The following RBFOX1 variants were observed in gnomAD, a reference collection of about 807,000 sequenced individuals.
RBFOX1 encodes RNA binding fox-1 homolog 1.
Under a neutral mutation model 57.7 loss-of-function variants are expected in RBFOX1, and 8 were observed. The observed-to-expected ratio is 0.14, with a 90% CI of 0.08 to 0.25. RBFOX1 has a LOEUF of 0.25. RBFOX1 is among the 10% of genes least tolerant of loss of function. The pLI is 1.00. For synonymous variants in RBFOX1, 326 were observed against 222.4 expected (o/e 1.47, Z -4.15); for missense variants, 611 against 548.5 (o/e 1.11, Z -1.14).
chr16:5,902,555 G>A (rs1023761496), intron 4 of RBFOX1, among the ~76,000 whole-genome samples: 13 of 152,130 alleles, frequency 8.5e-5, no homozygotes, highest in South Asian at 6.2e-4. Flanking sequence ...AGCTGGGATT[G>A]CAGGTGCCTG....
chr16:7,101,385 A>G (rs1219622977), intron 4 of RBFOX1, among the ~76,000 whole-genome samples: 2 of 152,236 alleles, frequency 1.3e-5, no homozygotes, highest in Non-Finnish European at 2.9e-5. Flanking sequence ...CAGTAATTGC[A>G]AGGAAACTCT....
chr16:6,904,731 G>A (rs1301686639), intron 3 of RBFOX1, among the ~76,000 whole-genome samples: 2 of 152,058 alleles, frequency 1.3e-5, no homozygotes, highest in South Asian at 2.1e-4. Flanking sequence ...CTACTCACAG[G>A]GACCCTCGCC....
intron 14 of RBFOX1, among the ~76,000 whole-genome samples, chr16:7,680,465 C>G (rs574575267): frequency 8.5e-5 from 13 of 152,206 alleles, no homozygotes; most frequent in Non-Finnish European, 1.9e-4. Context: ...CACGTCAGGG[C>G]TGAAAGTAGC....
At chr16:5,736,345 C>T (rs1031754392) in intron 3 of RBFOX1, among the ~76,000 whole-genome samples, 1 of 152,210 alleles carries the variant, frequency 6.6e-6, no homozygotes, top group Non-Finnish European at 1.5e-5. Flanking sequence ...TATAGCGACC[C>T]CTCCTCCCAT....
intron 3 of RBFOX1, among the ~76,000 whole-genome samples, chr16:6,914,971 A>G (rs2072745497): frequency 6.6e-6 from 1 of 152,212 alleles, no homozygotes; most frequent in South Asian, 2.1e-4. Flanking sequence ...CCTGCGTACT[A>G]TTATTATTAC....
intron 14 of RBFOX1, among the ~76,000 whole-genome samples, chr16:7,684,459 G>C (rs1238292353): frequency 6.6e-6 from 1 of 151,952 alleles, no homozygotes; most frequent in Non-Finnish European, 1.5e-5. Context: ...TGTTCAAATA[G>C]ATTAACAGAT....
chr16:7,428,918 C>T lies in RBFOX1; in HGVS notation c.28-89229C>T, dbSNP rs74012575. ...GTGAGTGACACTACTCACATCTGCA[C>T]ATGTAGGTCGTAAAGTACAACACAG... On this transcript the variant is annotated intron_variant, in intron 4 of 15. Transcript: ENST00000550418. 1.0e-3 allele frequency among the ~76,000 whole-genome samples: 153 copies of T among 152,192 alleles called. 1 individual carries two copies. Among genetic ancestry groups the T allele is most frequent in the African/African-American group, 3.4e-3 (140 of 41,516 alleles).
chr16:6,973,550 G>A (rs953237059), intron 3 of RBFOX1, among the ~76,000 whole-genome samples: 1 of 152,156 alleles, frequency 6.6e-6, no homozygotes, highest in Non-Finnish European at 1.5e-5. Context: ...CTTCTGTTTG[G>A]AGAGTCTGTT....
intron 4 of RBFOX1, among the ~76,000 whole-genome samples, chr16:7,353,295 A>G (rs1568368289): frequency 6.6e-6 from 1 of 152,302 alleles, no homozygotes; most frequent in Admixed American, 6.5e-5. Context: ...TGGCTATAAT[A>G]AAAAAGATAG....
intron 2 of RBFOX1, among the ~76,000 whole-genome samples, chr16:5,556,768 G>C (rs1050538416): frequency 6.6e-6 from 1 of 152,130 alleles, no homozygotes; most frequent in African/African-American, 2.4e-5. Flanking sequence ...AAGATGCCAC[G>C]AAAACAAAAC....
At chr16:6,088,766 C>G (rs2096125967) in intron 1 of RBFOX1, among the ~76,000 whole-genome samples, 1 of 151,956 alleles carries the variant, frequency 6.6e-6, no homozygotes, top group Non-Finnish European at 1.5e-5. Flanking sequence ...TGAGTAATTT[C>G]CTGAAGAAGG....
chr16:7,653,428 C>G (rs1331604774), intron 11 of RBFOX1, among the ~76,000 whole-genome samples: 1 of 152,178 alleles, frequency 6.6e-6, no homozygotes, highest in East Asian at 1.9e-4. Flanking sequence ...ATCACTTGAG[C>G]CCTGGAAGTC....
Position 7,185,304 on chromosome 16 carries a change from A to C in RBFOX1, c.27+133206A>C, listed in dbSNP as rs541657968. Among the ~76,000 whole-genome samples the C allele has an allele frequency of 3.9e-5, 6 of 152,138 alleles. No individual in the cohort carries two copies. The South Asian group carries it at 1.0e-3, about 26-fold the overall frequency. ...GTATTTTTTTTTCCCTAATGATTCTACTGTACCCTGGAGCATTTTCACGGT... is the reference window on the plus strand; with the variant it reads ...GTATTTTTTTTTCCCTAATGATTCTCCTGTACCCTGGAGCATTTTCACGGT... On this transcript the variant is annotated intron_variant, in intron 4 of 15. Transcript: ENST00000550418.
Position 5,887,263 on chromosome 16 carries a change from G to C in RBFOX1, c.351+19928G>C, listed in dbSNP as rs140276766. 1.7e-3 allele frequency among the ~76,000 whole-genome samples: 253 copies of C among 152,266 alleles called. 1 individual carries two copies. Among genetic ancestry groups the C allele is most frequent in the African/African-American group, 5.8e-3 (242 of 41,534 alleles). ...CATGGCAGCACAGTCAGCATTCGTG[G>C]TACCTGGCCCTGGACACCACAGCAG... On this transcript the variant is annotated intron_variant, in intron 4 of 19. Transcript: ENST00000641259.
chr16:5,611,943 CAGTG>C (rs992808829), intron 3 of RBFOX1, among the ~76,000 whole-genome samples: 1 of 151,848 alleles, frequency 6.6e-6, no homozygotes, highest in African/African-American at 2.4e-5. Flanking sequence ...CTGGGCAACA[CAGTG>C]AGACCCCATC....
rs570020593 is a variant in RBFOX1 at position 7,515,625 on chromosome 16, T to C, written c.28-2522T>C. Among the ~76,000 whole-genome samples, 12 of 152,346 alleles carry C rather than the reference T, an allele frequency of 7.9e-5. No homozygotes were observed. In the South Asian group the frequency reaches 2.1e-3, roughly 26 times the overall value. Reference sequence around the variant, plus strand: ...ACATGTATAATTTTTATGTTAATGGTATCTTAGTAAAGCTGTTAAAATATG... The same window carrying C: ...ACATGTATAATTTTTATGTTAATGGCATCTTAGTAAAGCTGTTAAAATATG... On this transcript the variant is annotated intron_variant, in intron 4 of 15. Coordinates refer to ENST00000550418, the MANE Select transcript of RBFOX1 (RefSeq NM_018723.4).
At chr16:5,345,958 C>G (rs1006468104) in intron 1 of RBFOX1, among the ~76,000 whole-genome samples, 1 of 152,202 alleles carries the variant, frequency 6.6e-6, no homozygotes. Context: ...TAGGAATCTA[C>G]CAGGGAAACT....
intron 4 of RBFOX1, among the ~76,000 whole-genome samples, chr16:7,272,753 A>G (rs945305662): frequency 4.6e-5 from 7 of 151,942 alleles, no homozygotes; most frequent in African/African-American, 1.7e-4. Flanking sequence ...AGCTCCTGAA[A>G]CCTCTGAGGA....
intron 3 of RBFOX1, among the ~76,000 whole-genome samples, chr16:5,639,510 C>G (rs1039608090): frequency 2.6e-5 from 4 of 152,210 alleles, no homozygotes; most frequent in African/African-American, 4.8e-5. Flanking sequence ...CTACATAACA[C>G]TAGTCAAATG....
Sources: allele counts gnomAD v4.1 joint callset (sites outside exome capture counted in the v4.1 genomes callset), GRCh38; gene constraint gnomAD v4.1.1; transcripts MANE v1.5; gene names NCBI Gene and HGNC (gene_info 2026-07-23, HGNC 2026-07-21).